Variants in HHAT observed in about 807,000 individuals in gnomAD.
HHAT encodes hedgehog acyltransferase, also known as protein-cysteine N-palmitoyltransferase HHAT.
In HHAT, 47 loss-of-function variants were observed where a neutral mutation model predicts 70.8. The ratio of observed to expected loss-of-function variants is 0.66; its 90% CI spans 0.53 to 0.85. The LOEUF is 0.85. Ranked by LOEUF, HHAT falls within the 40% of genes least tolerant of loss-of-function variation. The pLI, the probability that HHAT is intolerant of heterozygous loss-of-function variation, is 0.00. For synonymous variants in HHAT, 228 were observed against 247.6 expected (o/e 0.92, Z 0.74); for missense variants, 609 against 604.8 (o/e 1.01, Z -0.07).
chr1:210,670,699 C>T (rs1213304609), intron 11 of HHAT, among the ~76,000 whole-genome samples: 3 of 152,214 alleles, frequency 2.0e-5, no homozygotes, highest in African/African-American at 4.8e-5. Context: ...GCCACGTCTA[C>T]TGTCTGTAGG....
intron 9 of HHAT, among the ~76,000 whole-genome samples, chr1:210,571,031 C>T (rs963976390): frequency 6.6e-6 from 1 of 152,208 alleles, no homozygotes; most frequent in Non-Finnish European, 1.5e-5. Flanking sequence ...AGGAGGCTCT[C>T]CCAATCTCCT....
At chr1:210,418,404 GT>G (rs1482400463) in intron 7 of HHAT, 79 bp downstream of exon 7, 3 of 1,159,414 alleles carry the variant, frequency 2.6e-6, no homozygotes, top group Non-Finnish European at 3.6e-6. Context: ...GGAGTGGGGG[GT>G]GAGCAGGGGT....
intron 5 of HHAT, among the ~76,000 whole-genome samples, chr1:210,402,253 A>T (rs187472587): frequency 6.6e-6 from 1 of 152,226 alleles, no homozygotes; most frequent in African/African-American, 2.4e-5. Context: ...GAGAACAGCC[A>T]GCCTGAGAGT....
At chr1:210,430,013 C>T (rs189638104) in intron 7 of HHAT, among the ~76,000 whole-genome samples, 107 of 151,854 alleles carry the variant, frequency 7.0e-4, no homozygotes, top group African/African-American at 2.6e-3. Context: ...CATAAAAAGC[C>T]AGGGCAAATG....
At chr1:210,357,559 C>T (rs538002946) in intron 2 of HHAT, among the ~76,000 whole-genome samples, 6 of 152,302 alleles carry the variant, frequency 3.9e-5, no homozygotes, top group East Asian at 3.9e-4. Context: ...CGGTGGCTCA[C>T]GCCTATAATC....
chr1:210,395,109 G>A (rs181755319), intron 4 of HHAT, among the ~76,000 whole-genome samples: 5 of 152,140 alleles, frequency 3.3e-5, no homozygotes, highest in East Asian at 1.9e-4. Flanking sequence ...ATTATTTTCC[G>A]AATAATGCTC....
chr1:210,668,804 C>T (rs932828858), intron 11 of HHAT, among the ~76,000 whole-genome samples: 1 of 152,062 alleles, frequency 6.6e-6, no homozygotes, highest in Non-Finnish European at 1.5e-5. Flanking sequence ...GACGGAGTCT[C>T]GCACTGTCAC....
chr1:210,339,283 A>G (rs1005942483), intron 1 of HHAT, among the ~76,000 whole-genome samples: 1 of 152,200 alleles, frequency 6.6e-6, no homozygotes, highest in Non-Finnish European at 1.5e-5. Flanking sequence ...TGTAATAAAG[A>G]TCCATTGTGA....
chr1:210,659,333 T>C (rs965895658), intron 11 of HHAT, among the ~76,000 whole-genome samples: 5 of 152,118 alleles, frequency 3.3e-5, no homozygotes, highest in Non-Finnish European at 5.9e-5. Context: ...CTAGAAAATC[T>C]AGAAGAAATA....
chr1:210,443,171 T>A (rs1192821761), intron 7 of HHAT, among the ~76,000 whole-genome samples: 1 of 151,272 alleles, frequency 6.6e-6, no homozygotes, highest in Non-Finnish European at 1.5e-5. Context: ...GTGGCGTTAT[T>A]TCTGAGGGCT....
intron 7 of HHAT, among the ~76,000 whole-genome samples, chr1:210,442,871 C>G (rs1186340636): frequency 2.0e-5 from 3 of 152,218 alleles, no homozygotes; most frequent in East Asian, 3.9e-4. Context: ...TCCCATTTGT[C>G]AATTTTGGCT....
At chr1:210,600,952 C>T (rs928736443) in intron 10 of HHAT, among the ~76,000 whole-genome samples, 1 of 151,724 alleles carries the variant, frequency 6.6e-6, no homozygotes, top group African/African-American at 2.4e-5. Context: ...CCTCTTTGCC[C>T]CAAGAGTGTC....
Position 210,472,928 on chromosome 1 carries a change from G to T in HHAT, c.1007+8273G>T, listed in dbSNP as rs1004191291. The stretch of plus-strand genomic sequence containing the variant: ...CTAGAATCGATAGAAAGGAATGTCT[G>T]GGTTAAGAGAAGGGGTTGTAGAGAC... On this transcript the variant is annotated intron_variant, in intron 8 of 11. Transcript: ENST00000261458. Among the ~76,000 whole-genome samples the T allele has an allele frequency of 7.9e-5, 12 of 152,286 alleles. 1 individual carries two copies. The East Asian group carries it at 2.3e-3, about 29-fold the overall frequency.
chr1:210,617,593 G>T (rs1166861342), intron 10 of HHAT, among the ~76,000 whole-genome samples: 2 of 152,222 alleles, frequency 1.3e-5, no homozygotes, highest in African/African-American at 4.8e-5. Flanking sequence ...TAACTAGACA[G>T]AGCCAGTTGT....
chr1:210,491,799 G>C (rs1218156251), intron 8 of HHAT, among the ~76,000 whole-genome samples: 2 of 152,130 alleles, frequency 1.3e-5, no homozygotes, highest in Non-Finnish European at 2.9e-5. Context: ...GTCTCACTCT[G>C]TCGTCCAGGG....
At chr1:210,600,385 A>G (rs1663974386) in intron 10 of HHAT, among the ~76,000 whole-genome samples, 1 of 152,228 alleles carries the variant, frequency 6.6e-6, no homozygotes, top group Admixed American at 6.5e-5. Flanking sequence ...GAAAAAAACT[A>G]AAACTGAGAG....
intron 3 of HHAT, chr1:210,374,072 A>G (rs1015977460): frequency 1.2e-4 from 19 of 152,238 alleles, no homozygotes; most frequent in Admixed American, 5.2e-4. Flanking sequence ...CAATGTTTAA[A>G]CAAACAGTGA....
At chr1:210,486,796 T>C (rs1011347008) in intron 8 of HHAT, among the ~76,000 whole-genome samples, 2 of 152,188 alleles carry the variant, frequency 1.3e-5, no homozygotes, top group African/African-American at 4.8e-5. Flanking sequence ...ATCAAGCCTC[T>C]TGATTATCTT....
intron 11 of HHAT, among the ~76,000 whole-genome samples, chr1:210,652,798 A>G (rs1675441974): frequency 6.6e-6 from 1 of 152,228 alleles, no homozygotes; most frequent in Non-Finnish European, 1.5e-5. Context: ...GCAAAAGAGA[A>G]ATGCAAATTG....
Sources: gnomAD v4.1 joint callset for allele counts (sites outside exome capture counted in the v4.1 genomes callset) on GRCh38, gnomAD v4.1.1 for gene constraint, MANE v1.5 for transcripts, NCBI Gene and HGNC (gene_info 2026-07-23, HGNC 2026-07-21) for gene names.